DICER1: variants seen among roughly 807,000 people sequenced by gnomAD.
DICER1 encodes the protein dicer 1, ribonuclease III.
DICER1 carries 43 observed loss-of-function variants against 194.1 expected under a neutral mutation model. The ratio of observed to expected loss-of-function variants is 0.22; its 90% CI spans 0.17 to 0.29. The LOEUF is 0.29. DICER1 is among the 10% of genes least tolerant of loss of function. DICER1 has a pLI of 1.00. For synonymous variants in DICER1, 832 were observed against 820.5 expected (o/e 1.01, Z -0.24); for missense variants, 1,608 against 2,317.0 (o/e 0.69, Z 6.28).
At chr14:95,102,543 C>T (rs1189611662) in intron 21 of DICER1, among the ~76,000 whole-genome samples, 3 of 152,184 alleles carry the variant, frequency 2.0e-5, no homozygotes, top group Non-Finnish European at 4.4e-5. Flanking sequence ...CATCTGTTCA[C>T]TTTGCTTATG....
rs983499862 is a variant in DICER1, at chr14:95,131,578, T to C, written c.369A>G (p.Glu123=). ...ATGCATTTACTTCTAGGTTTGAGTA[T>C]TCCCCAACCTTGAGATCTGAATGAG... The part of the protein sequence containing the change: ...VRTHSDLKVG[E]YSNLEVNASW... The change falls in exon 4 of 27, where the codon GAA becomes GAG. Residue 123 remains glutamate (E), a synonymous_variant. Coordinates refer to ENST00000343455, the MANE Select transcript of DICER1 (RefSeq NM_177438.3). The C allele has an allele frequency of 6.2e-7, 1 of 1,613,386 alleles. No homozygotes were observed. The highest frequency in any genetic ancestry group is 1.3e-5 in the African/African-American group (1 of 74,922).
rs1891309406 is a variant in DICER1, at chr14:95,105,236, G to A, written c.3104C>T (p.Pro1035Leu). ...AATTGGATGTATAGCACAGAGTTCT[G>A]GAACCAGTATCTTCAAGTAAGGGGA... ...ESLQNKQILV[P>L]ELCAIHPIPA... The change falls in exon 20 of 27, where the codon CCA becomes CTA. Residue 1035 changes from proline to leucine, a missense_variant. By Grantham distance (98) the Pro-to-Leu change is moderately conservative. Around this residue, in one of 10 missense-constraint regions of DICER1, gnomAD observed 79 missense variants for 176.1 expected, o/e 0.45. Transcript: ENST00000343455. The surrounding 1 kb of genome is among the most constrained non-coding windows in gnomAD (Gnocchi z 4.9). The A allele has an allele frequency of 6.2e-7, 1 of 1,613,654 alleles. No homozygotes were observed. The highest frequency in any genetic ancestry group is 8.5e-7 in the Non-Finnish European group (1 of 1,179,910).
chr14:95,107,660 T>C lies in DICER1; in HGVS notation c.2752A>G (p.Thr918Ala), dbSNP rs377326167. 23 of 1,613,542 alleles carry C rather than the reference T, an allele frequency of 1.4e-5. No individual in the cohort carries two copies. The highest frequency in any genetic ancestry group is 1.7e-5 in the Non-Finnish European group (20 of 1,179,418). ...GIPSTKYTKE[T>A]PFVFKLEDYQ... ...TCTTCTAATTTAAAAACAAAGGGTG[T>C]TTCTTTTGTATACTTTGTACTGGGA... The change falls in exon 17 of 27, where the codon ACA becomes GCA. Residue 918 changes from threonine to alanine, a missense_variant. Coordinates refer to ENST00000343455, the MANE Select transcript of DICER1 (RefSeq NM_177438.3).
At chr14:95,113,007 A>G (rs1365897289) in intron 12 of DICER1, 85 bp downstream of exon 12, 43 of 1,408,766 alleles carry the variant, frequency 3.1e-5, no homozygotes, top group African/African-American at 4.3e-5. Flanking sequence ...AAATTTACCT[A>G]TAACTTGCAA....
chr14:95,121,382 T>C (rs1398631838), intron 8 of DICER1, among the ~76,000 whole-genome samples: 1 of 152,158 alleles, frequency 6.6e-6, no homozygotes, highest in Non-Finnish European at 1.5e-5. Flanking sequence ...CCAAATAAAG[T>C]CTGGAGTTAA....
At chr14:95,154,425 T>C (rs74079215) in intron 1 of DICER1, among the ~76,000 whole-genome samples, 3,115 of 152,276 alleles carry the variant, frequency 0.02, 109 homozygotes, top group African/African-American at 0.071. Context: ...AGCACCATTA[T>C]TCACAGTAGC....
Position 95,132,578 on chromosome 14 carries a change from A to T in DICER1, c.244T>A (p.Ser82Thr). Residue 82 changes from serine (S) to threonine (T), a missense_variant, in exon 3 of 27, where the codon TCC becomes ACC. This residue lies in a region of DICER1 where 657 missense variants were observed against 910.1 expected (regional missense o/e 0.72). Coordinates refer to ENST00000343455, the MANE Select transcript of DICER1 (RefSeq NM_177438.3). Reference protein sequence around the residue: ...FIAVLLTKELSYQIRGDFSRN... With the variant: ...FIAVLLTKELTYQIRGDFSRN... ...CTGAAGTCTCCCCTGATCTGATAGG[A>T]CAGCTCTTTAGTGAGTAGTACTGCA... 5 of 1,613,978 alleles carry T rather than the reference A, an allele frequency of 3.1e-6. No individual in the cohort carries two copies. The highest frequency in any genetic ancestry group is 4.2e-6 in the Non-Finnish European group (5 of 1,179,924).
At chr14:95,149,593 A>G (rs983048239) in intron 1 of DICER1, among the ~76,000 whole-genome samples, 1 of 152,188 alleles carries the variant, frequency 6.6e-6, no homozygotes, top group African/African-American at 2.4e-5. Flanking sequence ...ATCTCCCTCA[A>G]GAGTATTAAG....
At chr14:95,129,383 T>C in intron 6 of DICER1, 89 bp downstream of exon 6, 4 of 1,230,314 alleles carry the variant, frequency 3.3e-6, no homozygotes, top group Non-Finnish European at 4.8e-6. Flanking sequence ...CTTAAATAGG[T>C]ACTCTCTGCA....
In DICER1 at chr14:95,106,145, A is replaced by G. The variant is rs1405820106; in HGVS notation, c.2883T>C (p.Pro961=). 6.2e-7 allele frequency: 1 copy of G among 1,613,860 alleles called. No individual in the cohort carries two copies. Among genetic ancestry groups the G allele is most frequent in the Admixed American group, 1.7e-5 (1 of 60,012 alleles). ...YTDLTPLSKF[P]SPEYETFAEY... The stretch of plus-strand genomic sequence containing the variant: ...CTGCAAAAGTTTCATACTCAGGGGA[A>G]GGAAATTTACTGAGTGGGGTAAGAT... Residue 961 remains proline (P), a synonymous_variant, in exon 18 of 27, where the codon CCT becomes CCC. Coordinates refer to ENST00000343455, the MANE Select transcript of DICER1 (RefSeq NM_177438.3).
rs1224788557 is a variant in DICER1 at position 95,117,649 on chromosome 14, C to T, written c.1482G>A (p.Met494Ile). 1.2e-6 allele frequency: 2 copies of T among 1,614,018 alleles called. No individual in the cohort carries two copies. The highest frequency in any genetic ancestry group is 1.1e-5 in the South Asian group (1 of 91,078). ...IGKNQPRNKQ[M>I]EAEFRKQEEV... Reference sequence around the variant, plus strand: ...CTTCCTGTTTTCTGAATTCTGCTTCCATCTGTTTGTTGCGAGGCTGATTCT... The same window carrying T: ...CTTCCTGTTTTCTGAATTCTGCTTCTATCTGTTTGTTGCGAGGCTGATTCT... Residue 494 changes from methionine to isoleucine, a missense_variant, in exon 9 of 27, where the codon ATG becomes ATA. Physicochemically the swap from Met to Ile is conservative, Grantham distance 10. This residue lies in a region of DICER1 where 657 missense variants were observed against 910.1 expected (regional missense o/e 0.72). Coordinates refer to ENST00000343455, the MANE Select transcript of DICER1 (RefSeq NM_177438.3).
intron 12 of DICER1, 79 bp from the exon 13 acceptor site, chr14:95,112,326 C>T (rs1016629108): frequency 2.6e-6 from 3 of 1,135,604 alleles, no homozygotes; most frequent in Admixed American, 1.8e-5. Context: ...TATGAAACCA[C>T]TGCCCCAACA....
Position 95,108,002 on chromosome 14 carries a change from A to T in DICER1, c.2528T>A (p.Leu843His). Reference sequence around the variant, plus strand: ...CTGGTGAAGTCTTGTAATCAACTCAAGCATTTGTAGAGACAACATGAAACC... The same window carrying T: ...CTGGTGAAGTCTTGTAATCAACTCATGCATTTGTAGAGACAACATGAAACC... ...KSGFMLSLQM[L>H]ELITRLHQYI... Residue 843 changes from leucine to histidine, a missense_variant, in exon 16 of 27, where the codon CTT becomes CAT. Transcript: ENST00000343455. 6.2e-7 allele frequency: 1 copy of T among 1,613,594 alleles called. No homozygotes were observed. Among genetic ancestry groups the T allele is most frequent in the Non-Finnish European group, 8.5e-7 (1 of 1,179,468 alleles).
chr14:95,129,294 T>C (rs1595455953), intron 6 of DICER1, 178 bp downstream of exon 6: 1 of 597,250 alleles, frequency 1.7e-6, no homozygotes, highest in Non-Finnish European at 2.9e-6. Context: ...GAAACAACGT[T>C]AGATTCTTGA....
chr14:95,090,825 G>T, intron 26 of DICER1, 162 bp from the exon 27 acceptor site: 1 of 998,534 alleles, frequency 1.0e-6, no homozygotes, highest in Non-Finnish European at 1.6e-6. Context: ...ACCCCCGACA[G>T]ACAGGGCTGC....
intron 1 of DICER1, among the ~76,000 whole-genome samples, chr14:95,146,533 T>C (rs1895146902): frequency 6.6e-6 from 1 of 152,198 alleles, no homozygotes. Flanking sequence ...ACTGTTTCAT[T>C]GCTCAATAAA....
chr14:95,132,499 A>G lies in DICER1; in HGVS notation c.307+16T>C, dbSNP rs746622364. On this transcript the variant is annotated intron_variant, in intron 3 of 26. Coordinates refer to ENST00000343455, the MANE Select transcript of DICER1 (RefSeq NM_177438.3). ...CAATTTCCCCTGCACAACTTGATAA[A>G]ATAATTTTTTATTACCAGAGTTGAC... The G allele has an allele frequency of 1.9e-6, 3 of 1,613,562 alleles. No individual in the cohort carries two copies. The Admixed American group carries it at 5.0e-5, about 27-fold the overall frequency.
Position 95,129,561 on chromosome 14 carries a change from A to G in DICER1, c.645T>C (p.Asp215=), listed in dbSNP as rs1318209811. 6.2e-7 allele frequency: 1 copy of G among 1,613,712 alleles called. No homozygotes were observed. Among genetic ancestry groups the G allele is most frequent in the African/African-American group, 1.3e-5 (1 of 74,918 alleles). ...LTASILNGKC[D]PEELEEKIQK... is the part of the protein sequence containing the mutation. Reference sequence around the variant, plus strand: ...GAATCTTTTCTTCCAATTCCTCTGGATCACATTTCCCATTTAAAATGGAAG... The same window carrying G: ...GAATCTTTTCTTCCAATTCCTCTGGGTCACATTTCCCATTTAAAATGGAAG... The change falls in exon 6 of 27, where the codon GAT becomes GAC. Residue 215 remains aspartate (D), a synonymous_variant. Coordinates refer to ENST00000343455, the MANE Select transcript of DICER1 (RefSeq NM_177438.3).
rs777894117 is a variant in DICER1 at position 95,117,663 on chromosome 14, G to A, written c.1468C>T (p.Arg490Cys). ...TGHGIGKNQP[R>C]NKQMEAEFRK... The stretch of plus-strand genomic sequence containing the variant: ...AATTCTGCTTCCATCTGTTTGTTGC[G>A]AGGCTGATTCTTCCCAATGCCATGT... Residue 490 changes from arginine (R) to cysteine (C), a missense_variant, in exon 9 of 27, where the codon CGC becomes TGC. Transcript: ENST00000343455. 2.7e-5 allele frequency: 44 copies of A among 1,613,964 alleles called. No homozygotes were observed. Among genetic ancestry groups the A allele is most frequent in the South Asian group, 1.1e-4 (10 of 91,078 alleles).
Sources: allele counts gnomAD v4.1 joint callset (sites outside exome capture counted in the v4.1 genomes callset), GRCh38; gene constraint gnomAD v4.1.1; regional missense constraint gnomAD v4.1.1; non-coding constraint Gnocchi (gnomAD v3.1); transcripts MANE v1.5; gene names NCBI Gene and HGNC (gene_info 2026-07-23, HGNC 2026-07-21).